The following SORCS1 variants were observed in gnomAD, a reference collection of about 807,000 sequenced individuals.
SORCS1 encodes the protein VPS10 domain-containing receptor SorCS1.
Under a neutral mutation model 146.1 loss-of-function variants are expected in SORCS1, and 60 were observed. That is an observed-to-expected ratio of 0.41 (90% CI 0.33 to 0.51). The LOEUF (loss-of-function observed/expected upper bound fraction) is 0.51. Ranked by LOEUF, SORCS1 falls within the 20% of genes least tolerant of loss-of-function variation. The pLI, the probability that SORCS1 is intolerant of heterozygous loss-of-function variation, is 0.21. For missense variants in SORCS1, 1,352 were observed against 1,487.6 expected, an observed-to-expected ratio of 0.91 and a Z score of 1.50; for synonymous variants, 637 against 584.0, an observed-to-expected ratio of 1.09 and a Z score of -1.31.
chr10:106,744,695 C>T (rs935740056), intron 5 of SORCS1, among the ~76,000 whole-genome samples: 13 of 152,126 alleles, frequency 8.5e-5, no homozygotes, highest in African/African-American at 3.1e-4. Context: ...GGTTAGTAGC[C>T]TGCTTACAGG....
At position 106,612,816 on chromosome 10, in the gene SORCS1, G is replaced by A. The variant is rs7085311; in HGVS notation, c.2921-793C>T. Among the ~76,000 whole-genome samples, 1,482 of 152,112 alleles carry A rather than the reference G, an allele frequency of 9.7e-3. 15 individuals are homozygous for A. The highest frequency in any genetic ancestry group is 0.025 in the African/African-American group (1,038 of 41,486). On this transcript the variant is annotated intron_variant, in intron 21 of 25. Transcript: ENST00000263054. The stretch of plus-strand genomic sequence containing the variant: ...TATTATTCCTAGTTCTAGGTTCTGC[G>A]CTCCTGGATAGTAAATGATCTGGAG...
chr10:106,978,790 T>A (rs1956139980), intron 1 of SORCS1, among the ~76,000 whole-genome samples: 2 of 138,590 alleles, frequency 1.4e-5, no homozygotes, highest in South Asian at 4.8e-4. Context: ...AGAATGAGAC[T>A]CCATCTCAAA....
chr10:106,762,365 T>G (rs930401842), intron 4 of SORCS1, among the ~76,000 whole-genome samples: 1 of 151,474 alleles, frequency 6.6e-6, no homozygotes, highest in South Asian at 2.1e-4. Context: ...AACTTTTTCT[T>G]TCTAAGTCTT....
chr10:106,637,536 C>A (rs2133642117), intron 18 of SORCS1, among the ~76,000 whole-genome samples: 1 of 152,172 alleles, frequency 6.6e-6, no homozygotes, highest in East Asian at 1.9e-4. Flanking sequence ...TCTGTGCAAG[C>A]AAAACCTACA....
At chr10:106,626,721 C>A (rs2133556832) in intron 19 of SORCS1, among the ~76,000 whole-genome samples, 1 of 152,278 alleles carries the variant, frequency 6.6e-6, no homozygotes. Context: ...GCAAAGCACC[C>A]TGGATCTTTA....
chr10:106,679,606 G>T lies in SORCS1; in HGVS notation c.1663+26C>A, dbSNP rs1352435475. On this transcript the variant is annotated intron_variant, in intron 11 of 25. Transcript: ENST00000263054. ...CTTAAAATAAACACTATTTACCACA[G>T]CCAGCAAACCAGGTAAGCTTCTTAC... The T allele has an allele frequency of 1.9e-6, 3 of 1,566,062 alleles. No homozygotes were observed. The South Asian group carries it at 3.4e-5, about 18-fold the overall frequency.
chr10:107,045,952 T>G (rs1313375562), intron 1 of SORCS1, among the ~76,000 whole-genome samples: 2 of 151,852 alleles, frequency 1.3e-5, no homozygotes, highest in Non-Finnish European at 2.9e-5. Context: ...GCCTAATTTT[T>G]TTTTTTCTTT....
intron 1 of SORCS1, among the ~76,000 whole-genome samples, chr10:107,038,970 T>C (rs1246580146): frequency 1.3e-5 from 2 of 152,078 alleles, no homozygotes; most frequent in African/African-American, 4.8e-5. Context: ...AATAAACTAC[T>C]AAGCACAATT....
chr10:106,668,983 T>C (rs1355677604), intron 16 of SORCS1, among the ~76,000 whole-genome samples: 1 of 152,080 alleles, frequency 6.6e-6, no homozygotes, highest in Non-Finnish European at 1.5e-5. Context: ...TGATGAGCCT[T>C]CCCAAATATT....
chr10:107,074,412 GGA>G (rs1962709344), intron 1 of SORCS1, among the ~76,000 whole-genome samples: 2 of 152,108 alleles, frequency 1.3e-5, no homozygotes, highest in African/African-American at 4.8e-5. Context: ...TCCATTTTCT[GGA>G]TGGTGCCACA....
At chr10:106,865,615 C>T (rs540346184) in intron 2 of SORCS1, among the ~76,000 whole-genome samples, 2 of 152,048 alleles carry the variant, frequency 1.3e-5, no homozygotes, top group South Asian at 4.2e-4. Context: ...ATCCCAGCTA[C>T]TCAGGAGACT....
intron 2 of SORCS1, among the ~76,000 whole-genome samples, chr10:106,953,309 C>T (rs1954788797): frequency 6.6e-6 from 1 of 152,050 alleles, no homozygotes; most frequent in Non-Finnish European, 1.5e-5. Flanking sequence ...ATATGACTTA[C>T]TGACCTTCTC....
In SORCS1 at chr10:106,620,570, C is replaced by A; in HGVS notation, c.2663-9G>T. The A allele has an allele frequency of 6.2e-7, 1 of 1,613,026 alleles. No homozygotes were observed. The highest frequency in any genetic ancestry group is 8.5e-7 in the Non-Finnish European group (1 of 1,179,348). On this transcript the variant is annotated splice_polypyrimidine_tract_variant and intron_variant, in intron 19 of 25. Coordinates refer to ENST00000263054, the MANE Select transcript of SORCS1 (RefSeq NM_052918.5). ...CACGTGCTCCAAGGGACCTGAGGCACAAGAGAAAGAGAGGCCATGGATGGG... is the reference window on the plus strand; with the variant it reads ...CACGTGCTCCAAGGGACCTGAGGCAAAAGAGAAAGAGAGGCCATGGATGGG...
chr10:106,928,828 C>T (rs568323677), intron 2 of SORCS1, among the ~76,000 whole-genome samples: 25 of 151,610 alleles, frequency 1.6e-4, no homozygotes, highest in South Asian at 1.5e-3. Flanking sequence ...ACCACCTACC[C>T]CCAATACCTA....
chr10:106,996,990 A>G (rs1331864967), intron 1 of SORCS1, among the ~76,000 whole-genome samples: 1 of 152,020 alleles, frequency 6.6e-6, no homozygotes, highest in African/African-American at 2.4e-5. Context: ...TCATTTAGGG[A>G]AAAGGAAAGA....
intron 11 of SORCS1, 69 bp downstream of exon 11, chr10:106,679,563 A>C: frequency 7.5e-7 from 1 of 1,332,200 alleles, no homozygotes. Context: ...TAAACTTCCA[A>C]GTACAGATAT....
At chr10:107,124,953 C>A (rs369701090) in intron 1 of SORCS1, among the ~76,000 whole-genome samples, 1 of 121,614 alleles carries the variant, frequency 8.2e-6, no homozygotes, top group Non-Finnish European at 1.7e-5. Context: ...TTTTCTTTTT[C>A]TTTTTTTTTT....
intron 1 of SORCS1, among the ~76,000 whole-genome samples, chr10:107,038,379 A>G (rs1815368): frequency 0.71 from 99,482 of 140,154 alleles, 34,578 homozygotes; most frequent in East Asian, 0.77. Flanking sequence ...AAAATCAGAC[A>G]GAGGACTGTC....
At chr10:106,630,198 G>A (rs766663891) in intron 18 of SORCS1, among the ~76,000 whole-genome samples, 2 of 152,152 alleles carry the variant, frequency 1.3e-5, no homozygotes, top group African/African-American at 2.4e-5. Flanking sequence ...TAGGAAGGAC[G>A]GAAGACACTT....
Sources: gnomAD v4.1 joint callset for allele counts (sites outside exome capture counted in the v4.1 genomes callset) on GRCh38, gnomAD v4.1.1 for gene constraint, MANE v1.5 for transcripts, NCBI Gene and HGNC (gene_info 2026-07-23, HGNC 2026-07-21) for gene names.